ADAMTSL1: variants seen among roughly 807,000 people sequenced by gnomAD.
ADAMTSL1 encodes the protein ADAMTS like 1.
ADAMTSL1 carries 126 observed loss-of-function variants against 201.8 expected under a neutral mutation model. That is an observed-to-expected ratio of 0.62 (90% CI 0.54 to 0.72). The LOEUF (loss-of-function observed/expected upper bound fraction) is 0.72. Ranked by LOEUF, ADAMTSL1 falls within the 30% of genes least tolerant of loss-of-function variation. The pLI, the probability that ADAMTSL1 is intolerant of heterozygous loss-of-function variation, is 0.00. For missense variants in ADAMTSL1, 2,679 were observed against 2,277.8 expected (o/e 1.18, Z -3.59); for synonymous variants, 1,121 against 903.4 (o/e 1.24, Z -4.32).
intron 1 of ADAMTSL1, among the ~76,000 whole-genome samples, chr9:18,071,796 G>A (rs985771133): frequency 2.0e-5 from 3 of 152,190 alleles, no homozygotes; most frequent in African/African-American, 7.2e-5. Flanking sequence ...TGCGTTGTGT[G>A]TTCCAGGATG....
intron 15 of ADAMTSL1, among the ~76,000 whole-genome samples, chr9:18,744,451 G>T (rs975507407): frequency 2.0e-5 from 3 of 152,176 alleles, no homozygotes; most frequent in Non-Finnish European, 4.4e-5. Flanking sequence ...TTCTCTGACT[G>T]ACTTTAGGAA....
chr9:18,255,801 C>T (rs1255929615), intron 2 of ADAMTSL1, among the ~76,000 whole-genome samples: 1 of 152,188 alleles, frequency 6.6e-6, no homozygotes, highest in African/African-American at 2.4e-5. Flanking sequence ...TGCCTCTTTC[C>T]CTGGTCTCCA....
At chr9:18,407,117 A>C (rs922464629) in intron 2 of ADAMTSL1, among the ~76,000 whole-genome samples, 7 of 152,348 alleles carry the variant, frequency 4.6e-5, no homozygotes, top group Admixed American at 4.6e-4. Context: ...ATATTCAAGC[A>C]GTTAAAGAAT....
intron 14 of ADAMTSL1, among the ~76,000 whole-genome samples, chr9:18,720,727 G>T (rs1833293991): frequency 6.6e-6 from 1 of 152,152 alleles, no homozygotes; most frequent in African/African-American, 2.4e-5. Context: ...AGGTTGCAGT[G>T]AGCTGAGATC....
chr9:18,274,724 A>T (rs1196735660), intron 2 of ADAMTSL1, among the ~76,000 whole-genome samples: 1 of 152,200 alleles, frequency 6.6e-6, no homozygotes, highest in African/African-American at 2.4e-5. Flanking sequence ...AAAAAAACTA[A>T]AATGAGGCAA....
At chr9:18,463,522 AC>A (rs1410756451) in intron 2 of ADAMTSL1, among the ~76,000 whole-genome samples, 3 of 151,966 alleles carry the variant, frequency 2.0e-5, no homozygotes, top group African/African-American at 7.2e-5. Flanking sequence ...AAAACCCCAT[AC>A]CCCGTTAAAC....
At chr9:18,853,238 GT>G (rs1826612481) in intron 23 of ADAMTSL1, among the ~76,000 whole-genome samples, 1 of 152,214 alleles carries the variant, frequency 6.6e-6, no homozygotes, top group Admixed American at 6.5e-5. Context: ...CCAACAGGTT[GT>G]TTTTGCCTGC....
chr9:17,944,423 C>A (rs140445133), intron 1 of ADAMTSL1, among the ~76,000 whole-genome samples: 104 of 152,268 alleles, frequency 6.8e-4, no homozygotes, highest in African/African-American at 2.4e-3. Context: ...CCATCCCCAT[C>A]AAGCTACCAA....
At chr9:18,857,538 G>T (rs993003200) in intron 23 of ADAMTSL1, among the ~76,000 whole-genome samples, 1 of 152,150 alleles carries the variant, frequency 6.6e-6, no homozygotes, top group Non-Finnish European at 1.5e-5. Flanking sequence ...AAGTGATGCT[G>T]GGCTCTTCTT....
chr9:18,165,396 G>A (rs985360583), intron 2 of ADAMTSL1, among the ~76,000 whole-genome samples: 2 of 151,866 alleles, frequency 1.3e-5, no homozygotes, highest in African/African-American at 2.4e-5. Flanking sequence ...AATTGTCACA[G>A]TAGTTCCACT....
At chr9:18,083,504 A>G (rs904850592) in intron 1 of ADAMTSL1, among the ~76,000 whole-genome samples, 19 of 152,156 alleles carry the variant, frequency 1.2e-4, no homozygotes, top group African/African-American at 4.6e-4. Flanking sequence ...TTTAATGTTG[A>G]TATTTAGCCT....
At chr9:17,944,211 A>G (rs1054766602) in intron 1 of ADAMTSL1, among the ~76,000 whole-genome samples, 1 of 152,212 alleles carries the variant, frequency 6.6e-6, no homozygotes, top group Non-Finnish European at 1.5e-5. Context: ...ACTCCCGTTC[A>G]CAATTGCTTC....
intron 1 of ADAMTSL1, among the ~76,000 whole-genome samples, chr9:18,059,036 C>G (rs1822327414): frequency 6.6e-6 from 1 of 152,204 alleles, no homozygotes; most frequent in Admixed American, 6.5e-5. Flanking sequence ...TTAGTGTTTG[C>G]TTAAGATTAA....
At chr9:18,130,477 C>G (rs1480464175) in intron 1 of ADAMTSL1, among the ~76,000 whole-genome samples, 2 of 152,170 alleles carry the variant, frequency 1.3e-5, no homozygotes, top group African/African-American at 4.8e-5. Flanking sequence ...TTATGCACAT[C>G]TGTTATGCCC....
intron 2 of ADAMTSL1, among the ~76,000 whole-genome samples, chr9:18,365,844 T>C (rs1836743938): frequency 6.6e-6 from 1 of 152,160 alleles, no homozygotes; most frequent in African/African-American, 2.4e-5. Context: ...CCGCCTGCTG[T>C]CAGATCAGCA....
chr9:18,688,689 A>AAAAAATATAT (rs1554730404), intron 13 of ADAMTSL1, among the ~76,000 whole-genome samples: 5 of 8,648 alleles, frequency 5.8e-4, no homozygotes, highest in South Asian at 6.6e-3. Flanking sequence ...AAAAAAAAAA[A>AAAAAATATAT]ATATATATAT....
intron 1 of ADAMTSL1, among the ~76,000 whole-genome samples, chr9:18,054,048 A>G (rs1219801553): frequency 1.2e-4 from 19 of 152,152 alleles, no homozygotes; most frequent in Admixed American, 1.2e-3. Context: ...AAAAGGACAT[A>G]GATGCTTACA....
At chr9:18,063,613 C>T (rs991920332) in intron 1 of ADAMTSL1, among the ~76,000 whole-genome samples, 2 of 152,304 alleles carry the variant, frequency 1.3e-5, no homozygotes, top group Middle Eastern at 3.4e-3. Context: ...TTGACTAGGA[C>T]CCGTCAGAAT....
At chr9:18,447,948 C>G (rs1009024223) in intron 2 of ADAMTSL1, among the ~76,000 whole-genome samples, 3 of 152,112 alleles carry the variant, frequency 2.0e-5, no homozygotes, top group Admixed American at 2.0e-4. Flanking sequence ...GGGTTTCAGT[C>G]CAAAGCTTTG....
Sources: allele counts gnomAD v4.1 joint callset (sites outside exome capture counted in the v4.1 genomes callset), GRCh38; gene constraint gnomAD v4.1.1; transcripts MANE v1.5; gene names NCBI Gene and HGNC (gene_info 2026-07-23, HGNC 2026-07-21).